NIM1K: variants seen among roughly 807,000 people sequenced by gnomAD.
NIM1K encodes serine/threonine-protein kinase NIM1.
A neutral mutation model predicts 37.1 loss-of-function variants in NIM1K; 35 were observed. The ratio of observed to expected loss-of-function variants is 0.94; its 90% CI spans 0.72 to 1.25. NIM1K has a LOEUF of 1.25. NIM1K is among the 50% of genes most tolerant of loss of function. The pLI is 0.00. For missense variants in NIM1K, 564 were observed against 548.0 expected (o/e 1.03, Z -0.29); for synonymous variants, 234 against 206.6 (o/e 1.13, Z -1.14).
At chr5:43,254,363 G>A (rs1478685040) in intron 2 of NIM1K, among the ~76,000 whole-genome samples, 1 of 152,116 alleles carries the variant, frequency 6.6e-6, no homozygotes, top group Non-Finnish European at 1.5e-5. Context: ...AAATGAATGG[G>A]TCTAGCAGCT....
rs370943362 is a variant in NIM1K at position 43,238,839 on chromosome 5, G to T, written c.-694-6243G>T. Among the ~76,000 whole-genome samples the T allele has an allele frequency of 1.1e-4, 17 of 151,638 alleles. No homozygotes were observed. In the South Asian group the frequency reaches 1.9e-3, roughly 17 times the overall value. ...CTGGGAACCAAGAGTGCAAGGAGAA[G>T]AGAATGAGGGATTCTACAACACAGA... On this transcript the variant is annotated intron_variant, in intron 1 of 3. Transcript: ENST00000326035.
chr5:43,219,596 G>A (rs1185534064), intron 1 of NIM1K, among the ~76,000 whole-genome samples: 1 of 152,092 alleles, frequency 6.6e-6, no homozygotes, highest in African/African-American at 2.4e-5. Flanking sequence ...AATGATATCA[G>A]GTGATATTAA....
intron 1 of NIM1K, among the ~76,000 whole-genome samples, chr5:43,222,656 C>T (rs946987643): frequency 2.0e-5 from 3 of 151,914 alleles, no homozygotes; most frequent in African/African-American, 4.8e-5. Context: ...ATCACTTTAG[C>T]CCAGGAGTTC....
chr5:43,225,630 G>A (rs1752447246), intron 1 of NIM1K: 1 of 152,940 alleles, frequency 6.5e-6, no homozygotes, highest in East Asian at 1.9e-4. Context: ...CTAGCAATAG[G>A]TGATTTTATA....
At chr5:43,268,876 G>C (rs531207918) in intron 2 of NIM1K, among the ~76,000 whole-genome samples, 9 of 152,154 alleles carry the variant, frequency 5.9e-5, no homozygotes, top group African/African-American at 2.2e-4. Flanking sequence ...GAGGGAGGTT[G>C]GCTAGATCAG....
chr5:43,207,710 A>G (rs1752138601), intron 1 of NIM1K: 1 of 501,548 alleles, frequency 2.0e-6, no homozygotes, highest in South Asian at 1.8e-5. Context: ...CAGTTGCTCT[A>G]TGAAGAATTG....
At chr5:43,243,949 G>T (rs1479275775) in intron 1 of NIM1K, among the ~76,000 whole-genome samples, 1 of 152,166 alleles carries the variant, frequency 6.6e-6, no homozygotes, top group Admixed American at 6.5e-5. Flanking sequence ...CTAGAGATGT[G>T]CTTAGTTACT....
Position 43,277,062 on chromosome 5 carries a change from G to T in NIM1K, c.298G>T (p.Val100Leu), listed in dbSNP as rs781424469. 3.7e-6 allele frequency: 6 copies of T among 1,612,524 alleles called. No homozygotes were observed. Among genetic ancestry groups the T allele is most frequent in the African/African-American group, 1.3e-5 (1 of 74,672 alleles). The change falls in exon 3 of 4, where the codon GTG becomes TTG. Residue 100 changes from valine to leucine, a missense_variant. Physicochemically the swap from Val to Leu is conservative, Grantham distance 32 (BLOSUM62 1). Transcript: ENST00000326035. ...TTTACTTTTTTTCCTTGCAGAAAAG[G>T]TGGCCATTAAGATCCTGGACAAGAC... is the stretch of plus-strand genomic sequence containing the variant. ...LGIHSLTKEKVAIKILDKTKL... is the reference protein window; with the variant it reads ...LGIHSLTKEKLAIKILDKTKL...
intron 1 of NIM1K, among the ~76,000 whole-genome samples, chr5:43,224,382 A>G (rs984533178): frequency 1.3e-5 from 2 of 151,558 alleles, no homozygotes; most frequent in Admixed American, 6.6e-5. Context: ...CAGAGGTGGC[A>G]GTGAGCTGAG....
intron 1 of NIM1K, among the ~76,000 whole-genome samples, chr5:43,213,183 TTC>T (rs1561074674): frequency 1.3e-5 from 1 of 75,830 alleles, no homozygotes; most frequent in Non-Finnish European, 3.0e-5. Context: ...CTTTCTTTCT[TTC>T]TTTCTTTCTT....
At chr5:43,215,358 A>G (rs955023528) in intron 1 of NIM1K, among the ~76,000 whole-genome samples, 5 of 152,204 alleles carry the variant, frequency 3.3e-5, no homozygotes, top group African/African-American at 1.2e-4. Context: ...TTCATCACTC[A>G]TGAAGGATGA....
intron 1 of NIM1K, among the ~76,000 whole-genome samples, chr5:43,227,552 C>A (rs1431616562): frequency 6.6e-6 from 1 of 152,136 alleles, no homozygotes; most frequent in Non-Finnish European, 1.5e-5. Context: ...CTTTGCTACC[C>A]TTTGCCCTTT....
chr5:43,201,394 A>G (rs78026618), intron 1 of NIM1K, among the ~76,000 whole-genome samples: 9,205 of 127,108 alleles, frequency 0.072, 380 homozygotes, highest in East Asian at 0.23. Flanking sequence ...GGGTGACAGA[A>G]CAAGACTCCG....
At chr5:43,240,130 G>A (rs563839610) in intron 1 of NIM1K, 1 of 151,914 alleles carries the variant, frequency 6.6e-6, no homozygotes, top group Non-Finnish European at 1.5e-5. Context: ...CTGAAGTGCA[G>A]TGGGGTGATC....
rs114249580 is a variant in NIM1K at position 43,248,602 on chromosome 5, C to T, written c.292+2535C>T. Among the ~76,000 whole-genome samples the T allele has an allele frequency of 2.4e-3, 369 of 151,586 alleles. 1 individual carries two copies. The highest frequency in any genetic ancestry group is 8.5e-3 in the African/African-American group (350 of 41,284). ...TTAGTGTTTTCCAGAGAAACGGCAC[C>T]AATAGAAAAGAGAGAGAGGGAGAGA... On this transcript the variant is annotated intron_variant, in intron 2 of 3. Transcript: ENST00000326035.
chr5:43,200,355 C>T (rs920798122), intron 1 of NIM1K, among the ~76,000 whole-genome samples: 1 of 152,102 alleles, frequency 6.6e-6, no homozygotes, highest in African/African-American at 2.4e-5. Flanking sequence ...GGCTGGAGTG[C>T]AGTGACGCGA....
At chr5:43,198,189 TTCTTTCTTTCTTTCTTTC>T (rs1561069868) in intron 1 of NIM1K, among the ~76,000 whole-genome samples, 717 of 56,188 alleles carry the variant, frequency 0.013, 2 homozygotes, top group African/African-American at 0.022. Flanking sequence ...CTTTCTTTCT[TTCTTTCTTTCTTTCTTTC>T]TCTTTCTTTC....
chr5:43,226,308 G>A (rs1329155392), intron 1 of NIM1K, among the ~76,000 whole-genome samples: 2 of 152,244 alleles, frequency 1.3e-5, no homozygotes, highest in Non-Finnish European at 2.9e-5. Context: ...CCCTGTTAAA[G>A]GTGGGCAGGA....
chr5:43,240,174 A>G (rs1752679404), intron 1 of NIM1K: 1 of 151,776 alleles, frequency 6.6e-6, no homozygotes, highest in South Asian at 2.1e-4. Flanking sequence ...CCCAGGTTCA[A>G]GTGATTCTCC....
Sources: gnomAD v4.1 joint callset for allele counts (sites outside exome capture counted in the v4.1 genomes callset) on GRCh38, gnomAD v4.1.1 for gene constraint, MANE v1.5 for transcripts, NCBI Gene and HGNC (gene_info 2026-07-23, HGNC 2026-07-21) for gene names.